Variants in GABBR2 observed in about 807,000 individuals in gnomAD.
GABBR2 encodes the protein G-protein coupled receptor 51.
Under a neutral mutation model 105.6 loss-of-function variants are expected in GABBR2, and 23 were observed. That is an observed-to-expected ratio of 0.22 (90% CI 0.16 to 0.31). The LOEUF (loss-of-function observed/expected upper bound fraction) is 0.31, where lower values mean the gene tolerates loss of function less well. Ranked by LOEUF, GABBR2 falls within the 10% of genes least tolerant of loss-of-function variation. The probability of loss-of-function intolerance (pLI) is 1.00; values close to 1 mark genes in which losing one functional copy is unlikely to be tolerated. For synonymous variants in GABBR2, 478 were observed against 499.7 expected (o/e 0.96, Z 0.58); for missense variants, 734 against 1,245.5 (o/e 0.59, Z 6.18).
chr9:98,483,447 T>C (rs1179539191), intron 4 of GABBR2, among the ~76,000 whole-genome samples: 2 of 152,188 alleles, frequency 1.3e-5, no homozygotes, highest in Non-Finnish European at 2.9e-5. Flanking sequence ...AATCTGTCCA[T>C]GGCTTCCTGA....
intron 1 of GABBR2, among the ~76,000 whole-genome samples, chr9:98,648,124 G>GTGT (rs1564140825): frequency 1.5e-4 from 9 of 58,866 alleles, no homozygotes; most frequent in Non-Finnish European, 3.2e-4. Context: ...TGTATAGATA[G>GTGT]ATAGATAGAT....
intron 1 of GABBR2, among the ~76,000 whole-genome samples, chr9:98,609,040 A>C (rs1829469143): frequency 6.6e-6 from 1 of 152,234 alleles, no homozygotes; most frequent in African/African-American, 2.4e-5. Flanking sequence ...CTTGAAGAGA[A>C]AAAAGTCACC....
In GABBR2 at chr9:98,454,500, A is replaced by G. The variant is rs1008624119; in HGVS notation, c.1000-283T>C. Among the ~76,000 whole-genome samples, 5 of 152,212 alleles carry G rather than the reference A, an allele frequency of 3.3e-5. No homozygotes were observed. Among genetic ancestry groups the G allele is most frequent in the Non-Finnish European group, 2.9e-5 (2 of 68,034 alleles). The stretch of plus-strand genomic sequence containing the variant: ...ATTTAAACTGTCTTTTGGCAAGACT[A>G]GAGAGAGGGGATAATACACCCTAAC... On this transcript the variant is annotated intron_variant, in intron 6 of 18. Transcript: ENST00000259455. The surrounding 1 kb of genome is among the most constrained non-coding windows in gnomAD (Gnocchi z 4.6).
intron 1 of GABBR2, among the ~76,000 whole-genome samples, chr9:98,679,236 G>T (rs1301657791): frequency 1.3e-5 from 2 of 152,184 alleles, no homozygotes; most frequent in Admixed American, 6.5e-5. Flanking sequence ...GAAAGGACAA[G>T]GCAGAAGTAT....
chr9:98,676,866 G>A (rs1830484454), intron 1 of GABBR2, among the ~76,000 whole-genome samples: 1 of 152,162 alleles, frequency 6.6e-6, no homozygotes, highest in East Asian at 1.9e-4. Flanking sequence ...CTGACTAAAG[G>A]AAGTCCCAAT....
chr9:98,575,470 G>A (rs1477818529), intron 2 of GABBR2, among the ~76,000 whole-genome samples: 1 of 152,194 alleles, frequency 6.6e-6, no homozygotes, highest in Non-Finnish European at 1.5e-5. Flanking sequence ...CTGTGTGCCA[G>A]ACACAGCTCT....
intron 1 of GABBR2, among the ~76,000 whole-genome samples, chr9:98,657,191 C>T (rs1830195195): frequency 6.6e-6 from 1 of 152,156 alleles, no homozygotes; most frequent in Non-Finnish European, 1.5e-5. Flanking sequence ...CCATGATGCC[C>T]CATCTTTAGG....
At chr9:98,576,991 T>TGA (rs1258668689) in intron 2 of GABBR2, among the ~76,000 whole-genome samples, 14 of 101,638 alleles carry the variant, frequency 1.4e-4, no homozygotes, top group South Asian at 6.5e-4. Context: ...TGGATGGATG[T>TGA]ATGGGTGGAT....
intron 4 of GABBR2, among the ~76,000 whole-genome samples, chr9:98,488,888 T>C (rs141744281): frequency 3.3e-5 from 5 of 152,302 alleles, no homozygotes; most frequent in Non-Finnish European, 7.4e-5. Flanking sequence ...CTTAATCAGC[T>C]TCATGGCCTC....
intron 13 of GABBR2, among the ~76,000 whole-genome samples, chr9:98,323,149 TA>T (rs1830854808): frequency 6.6e-6 from 1 of 152,222 alleles, no homozygotes; most frequent in Non-Finnish European, 1.5e-5. Flanking sequence ...CAGGTCCGCC[TA>T]ACTCCTCTTG....
intron 7 of GABBR2, among the ~76,000 whole-genome samples, chr9:98,443,611 TGG>T (rs1030655351): frequency 1.2e-4 from 18 of 152,234 alleles, no homozygotes; most frequent in African/African-American, 4.3e-4. Context: ...TTATGCACTG[TGG>T]GACCCCAACA....
intron 1 of GABBR2, among the ~76,000 whole-genome samples, chr9:98,703,808 T>TTAATA (rs1554727343): frequency 1.3e-5 from 2 of 150,476 alleles, no homozygotes; most frequent in Admixed American, 1.3e-4. Flanking sequence ...TTTTTATTTT[T>TTAATA]AAATAAAAAT....
intron 3 of GABBR2, among the ~76,000 whole-genome samples, chr9:98,517,877 C>T (rs557396231): frequency 5.9e-5 from 9 of 151,492 alleles, no homozygotes; most frequent in Admixed American, 5.9e-4. Flanking sequence ...AGTCAGAAGA[C>T]CAGTGAGAGT....
chr9:98,632,821 C>A (rs1187831337), intron 1 of GABBR2, among the ~76,000 whole-genome samples: 1 of 152,160 alleles, frequency 6.6e-6, no homozygotes, highest in Non-Finnish European at 1.5e-5. Context: ...GCTTTTACCA[C>A]TAAGTTTGGG....
chr9:98,383,317 G>GA (rs1832012689), intron 11 of GABBR2, among the ~76,000 whole-genome samples: 1 of 152,122 alleles, frequency 6.6e-6, no homozygotes, highest in Non-Finnish European at 1.5e-5. Context: ...CAGCTTCTTT[G>GA]GAAGCTGACT....
chr9:98,411,813 A>G (rs1832596610), intron 7 of GABBR2, among the ~76,000 whole-genome samples: 1 of 152,136 alleles, frequency 6.6e-6, no homozygotes, highest in South Asian at 2.1e-4. Flanking sequence ...TCAAATGATC[A>G]TCCCACCTCG....
intron 13 of GABBR2, among the ~76,000 whole-genome samples, chr9:98,331,116 T>C (rs1476371813): frequency 6.6e-6 from 1 of 152,252 alleles, no homozygotes; most frequent in African/African-American, 2.4e-5. Flanking sequence ...TTTCCCTGTA[T>C]GGATAGACCA....
chr9:98,471,965 G>C (rs1826692057), intron 6 of GABBR2, among the ~76,000 whole-genome samples: 1 of 152,152 alleles, frequency 6.6e-6, no homozygotes, highest in Non-Finnish European at 1.5e-5. Context: ...GCCAGTACGA[G>C]CTAAAGAGCT....
intron 13 of GABBR2, among the ~76,000 whole-genome samples, chr9:98,326,977 G>C (rs1317324597): frequency 6.6e-6 from 1 of 152,226 alleles, no homozygotes; most frequent in African/African-American, 2.4e-5. Flanking sequence ...ATCTGGGTCT[G>C]TGTGATTGGA....
Sources: gnomAD v4.1 joint callset for allele counts (sites outside exome capture counted in the v4.1 genomes callset) on GRCh38, gnomAD v4.1.1 for gene constraint, Gnocchi (gnomAD v3.1) non-coding constraint, MANE v1.5 for transcripts, NCBI Gene and HGNC (gene_info 2026-07-23, HGNC 2026-07-21) for gene names.